The following SCAF1 variants were observed in gnomAD, a reference collection of about 807,000 sequenced individuals.
SCAF1 encodes SR-related CTD associated factor 1.
Under a neutral mutation model 91.2 loss-of-function variants are expected in SCAF1, and 28 were observed. The ratio of observed to expected loss-of-function variants is 0.31; its 90% CI spans 0.23 to 0.42. SCAF1 has a LOEUF of 0.42. Ranked by LOEUF, SCAF1 falls within the 10% of genes least tolerant of loss-of-function variation. The probability of loss-of-function intolerance (pLI) is 1.00; values close to 1 mark genes in which losing one functional copy is unlikely to be tolerated. For synonymous variants in SCAF1, 1,036 were observed against 833.7 expected (o/e 1.24, Z -4.18); for missense variants, 1,893 against 1,872.1 (o/e 1.01, Z -0.21).
chr19:49,656,845 C>T (rs1331586408), intron 9 of SCAF1, among the ~76,000 whole-genome samples: 1 of 152,186 alleles, frequency 6.6e-6, no homozygotes, highest in Non-Finnish European at 1.5e-5. Context: ...TAGGTGCTGT[C>T]CCCGTTTTAC....
In SCAF1 at chr19:49,648,263, C is replaced by T. The variant is rs541861096; in HGVS notation, c.478+1433C>T. ...TAGCAGGGATTATAGGTGCGCATGC[C>T]ACCACATTGAGCTAATTTTTGTATT... On this transcript the variant is annotated intron_variant, in intron 6 of 10. Transcript: ENST00000360565. Among the ~76,000 whole-genome samples the T allele has an allele frequency of 1.1e-4, 16 of 152,160 alleles. No individual in the cohort carries two copies. In the South Asian group the frequency reaches 3.1e-3, roughly 30 times the overall value.
In SCAF1 at chr19:49,652,036, C is replaced by G. The variant is rs1777799172; in HGVS notation, c.1647C>G (p.Pro549=). The change falls in exon 7 of 11, where the codon CCC becomes CCG. Residue 549 remains proline (P), a synonymous_variant. Coordinates refer to ENST00000360565, the MANE Select transcript of SCAF1 (RefSeq NM_021228.3). ...TQPAPPAPAS[P]WDSKKHRSRD... is the part of the protein sequence containing the mutation. ...CAGCGCCGCCCGCCCCGGCCTCGCC[C>G]TGGGACTCCAAGAAGCACCGCTCGC... 2.4e-6 allele frequency: 3 copies of G among 1,236,922 alleles called. No individual in the cohort carries two copies. Among genetic ancestry groups the G allele is most frequent in the East Asian group, 1.1e-4 (2 of 18,640 alleles). 76.6% of individuals were successfully genotyped at this position (1,236,922 alleles called of 1,614,324 possible).
Position 49,651,643 on chromosome 19 carries a change from G to T in SCAF1, c.1254G>T (p.Arg418=). 1.4e-6 allele frequency: 2 copies of T among 1,433,378 alleles called. No homozygotes were observed. 88.8% of individuals were successfully genotyped at this position (1,433,378 alleles called of 1,614,324 possible). The change falls in exon 7 of 11, where the codon CGG becomes CGT. Residue 418 remains arginine, a synonymous_variant. Coordinates refer to ENST00000360565, the MANE Select transcript of SCAF1 (RefSeq NM_021228.3). ...SLFRPGGRAA[R]PTPAASATPT... ...TCCGCCCCGGCGGCCGGGCCGCCCG[G>T]CCTACACCGGCCGCCTCGGCCACCC... is the stretch of plus-strand genomic sequence containing the variant.
chr19:49,654,481 C>T, intron 8 of SCAF1, 50 bp downstream of exon 8: 1 of 1,567,882 alleles, frequency 6.4e-7, no homozygotes, highest in East Asian at 2.2e-5. Context: ...TTGTCCATTG[C>T]CTCGGGTTAG....
At chr19:49,650,268 T>A (rs1243668677) in intron 6 of SCAF1, among the ~76,000 whole-genome samples, 1 of 152,098 alleles carries the variant, frequency 6.6e-6, no homozygotes. Flanking sequence ...GCTCTGCCAT[T>A]TCCTGGCTCT....
At chr19:49,650,805 G>C in intron 6 of SCAF1, 63 bp from the exon 7 acceptor site, 1 of 1,369,378 alleles carries the variant, frequency 7.3e-7, no homozygotes, top group Non-Finnish European at 1.0e-6. Context: ...GGCTGGGCCA[G>C]CAAGCAGGCA....
Position 49,656,359 on chromosome 19 carries a change from C to T in SCAF1, c.3619-1402C>T, listed in dbSNP as rs1033734934. 4.6e-5 allele frequency among the ~76,000 whole-genome samples: 7 copies of T among 152,210 alleles called. 1 individual carries two copies. Among genetic ancestry groups the T allele is most frequent in the Non-Finnish European group, 7.3e-5 (5 of 68,040 alleles). On this transcript the variant is annotated intron_variant, in intron 9 of 10. Transcript: ENST00000360565. ...CTGGCCACAGAGTTCCCTAACAGCT[C>T]AGTAGCTCGTCAGACAGTGTCACTG...
Position 49,654,800 on chromosome 19 carries a change from C to G in SCAF1, c.3548C>G (p.Thr1183Ser), listed in dbSNP as rs753059257. ...TGCGGTTCGACCCCCCCCACCCCCA[C>G]CGGGCTGGCTGCCACGTCTGACAAG... ...GGCGSTPPTP[T>S]GLAATSDKRE... Residue 1183 changes from threonine (T) to serine (S), a missense_variant, in exon 9 of 11, where the codon ACC (threonine) becomes AGC (serine). Thr to Ser is a moderately conservative substitution (Grantham distance 58). Around this residue, in one of 5 missense-constraint regions of SCAF1, gnomAD observed 1,436 missense variants for 1,306.8 expected, o/e 1.10. Transcript: ENST00000360565. 1 of 1,612,786 alleles carries G rather than the reference C, an allele frequency of 6.2e-7. No individual in the cohort carries two copies.
At chr19:49,641,192 C>T (rs2081024328), upstream of SCAF1, among the ~76,000 whole-genome samples, 1 of 152,154 alleles carries the variant, frequency 6.6e-6, no homozygotes, top group South Asian at 2.1e-4. Flanking sequence ...AATCAGACTC[C>T]TGAGTCGGAG....
chr19:49,657,080 G>T (rs2081144120), intron 9 of SCAF1, among the ~76,000 whole-genome samples: 1 of 152,162 alleles, frequency 6.6e-6, no homozygotes, highest in African/African-American at 2.4e-5. Flanking sequence ...CTTTAGCCCA[G>T]GAGACCAGGG....
rs758660380 is a variant in SCAF1, at chr19:49,652,712, G to A, written c.2323G>A (p.Gly775Arg). The A allele has an allele frequency of 3.1e-6, 5 of 1,588,470 alleles. No homozygotes were observed. The highest frequency in any genetic ancestry group is 1.7e-4 in the Middle Eastern group (1 of 6,034). ...EKGSRRKALDGGDRDRDRDRD... is the reference protein window; with the variant it reads ...EKGSRRKALDRGDRDRDRDRD... ...GGGGTCTCGTCGGAAGGCGCTGGAC[G>A]GGGGTGACCGGGATCGGGACAGGGA... The change falls in exon 7 of 11, where the codon GGG becomes AGG. Residue 775 changes from glycine to arginine, a missense_variant. Transcript: ENST00000360565.
chr19:49,643,316 TACAG>T (rs2081037460), intron 1 of SCAF1, among the ~76,000 whole-genome samples: 1 of 152,198 alleles, frequency 6.6e-6, no homozygotes, highest in South Asian at 2.1e-4. Flanking sequence ...TGAGACCTGG[TACAG>T]ACAGTCATAA....
chr19:49,644,767 G>A, intron 1 of SCAF1: 2 of 347,808 alleles, frequency 5.8e-6, no homozygotes, highest in Non-Finnish European at 5.2e-6. Context: ...GGCCAGGGAG[G>A]CCTCCCTTTG....
At chr19:49,657,022 G>T (rs2081143659) in intron 9 of SCAF1, among the ~76,000 whole-genome samples, 1 of 152,128 alleles carries the variant, frequency 6.6e-6, no homozygotes, top group Admixed American at 6.5e-5. Context: ...AGGCGTGGGG[G>T]TGGCACATCT....
chr19:49,654,553 C>A, intron 8 of SCAF1, 99 bp from the exon 9 acceptor site: 1 of 1,357,910 alleles, frequency 7.4e-7, no homozygotes, highest in Non-Finnish European at 1.0e-6. Context: ...GAGCCTGTTG[C>A]CTCAGCTGTG....
At chr19:49,648,531 T>A (rs2122468629) in intron 6 of SCAF1, among the ~76,000 whole-genome samples, 1 of 149,580 alleles carries the variant, frequency 6.7e-6, no homozygotes, top group South Asian at 2.1e-4. Context: ...ACTGCTGAGA[T>A]CACAGGCATG....
intron 6 of SCAF1, among the ~76,000 whole-genome samples, chr19:49,649,620 C>T (rs1384564412): frequency 6.6e-6 from 1 of 152,112 alleles, no homozygotes; most frequent in Non-Finnish European, 1.5e-5. Flanking sequence ...CTCAGCCTCC[C>T]GAGTAGTTGG....
chr19:49,651,420 C>T lies in SCAF1; in HGVS notation c.1031C>T (p.Ala344Val). 1 of 1,605,008 alleles carries T rather than the reference C, an allele frequency of 6.2e-7. No homozygotes were observed. The change falls in exon 7 of 11, where the codon GCT becomes GTT. Residue 344 changes from alanine (A) to valine (V), a missense_variant. Ala to Val is a moderately conservative substitution (Grantham distance 64, BLOSUM62 0). Around this residue, in one of 5 missense-constraint regions of SCAF1, gnomAD observed 1,436 missense variants for 1,306.8 expected, o/e 1.10. Transcript: ENST00000360565. ...GTPPQVDSTR[A>V]DGAMRRRVFV... ...CCGCCCCAGGTGGACTCCACCCGGG[C>T]TGATGGAGCCATGCGCCGGCGGGTC...
Position 49,652,192 on chromosome 19 carries a change from G to A in SCAF1, c.1803G>A (p.Arg601=). The change falls in exon 7 of 11, where the codon CGG becomes CGA. Residue 601 remains arginine, a synonymous_variant. Coordinates refer to ENST00000360565, the MANE Select transcript of SCAF1 (RefSeq NM_021228.3). ...DRRRGGSRRS[R]SREKRRRRRR... ...GCCGCGGGGGCAGCCGCAGGTCGCG[G>A]TCCCGGGAGAAGCGGCGACGGCGGC... 1.6e-6 allele frequency: 2 copies of A among 1,274,254 alleles called. No individual in the cohort carries two copies. Among genetic ancestry groups the A allele is most frequent in the South Asian group, 2.2e-5 (1 of 46,242 alleles). 78.9% of individuals were successfully genotyped at this position (1,274,254 alleles called of 1,614,324 possible). A position where few individuals can be genotyped will look rare whatever the true frequency, so the allele number is the denominator to read the frequency against.
Sources: gnomAD v4.1 joint callset for allele counts (sites outside exome capture counted in the v4.1 genomes callset) on GRCh38, gnomAD v4.1.1 for gene constraint, gnomAD v4.1.1 regional missense constraint, MANE v1.5 for transcripts, NCBI Gene and HGNC (gene_info 2026-07-23, HGNC 2026-07-21) for gene names.